Variants in UBXN7 observed in about 807,000 individuals in gnomAD.
UBXN7 encodes the protein UBX domain-containing protein 7.
A neutral mutation model predicts 58.0 loss-of-function variants in UBXN7; 9 were observed. The observed-to-expected ratio is 0.16, with a 90% CI of 0.09 to 0.27. The LOEUF (loss-of-function observed/expected upper bound fraction) is 0.27, where lower values mean the gene tolerates loss of function less well. UBXN7 is among the 10% of genes least tolerant of loss of function. The pLI is 1.00. For missense variants in UBXN7, 328 were observed against 599.6 expected (o/e 0.55, Z 4.73); for synonymous variants, 208 against 205.0 (o/e 1.01, Z -0.12).
At chr3:196,392,892 C>T (rs1216644472) in intron 4 of UBXN7, among the ~76,000 whole-genome samples, 1 of 152,138 alleles carries the variant, frequency 6.6e-6, no homozygotes, top group Non-Finnish European at 1.5e-5. Context: ...ACAGGATTCC[C>T]TAGATGACTT....
intron 2 of UBXN7, among the ~76,000 whole-genome samples, chr3:196,406,241 C>G (rs1273382873): frequency 6.6e-6 from 1 of 152,034 alleles, no homozygotes; most frequent in East Asian, 1.9e-4. Flanking sequence ...CTATATTGCC[C>G]AAGCTGGTCT....
At chr3:196,383,743 G>A (rs1306893936) in intron 5 of UBXN7, among the ~76,000 whole-genome samples, 1 of 152,168 alleles carries the variant, frequency 6.6e-6, no homozygotes, top group South Asian at 2.1e-4. Context: ...GATGTTCTTT[G>A]AAACCAATGA....
Position 196,432,315 on chromosome 3 carries a change from C to G in UBXN7, c.73+12G>C. On this transcript the variant is annotated intron_variant, in intron 1 of 10. Transcript: ENST00000296328. ...ACCCCACTCTCCACCTTCCGGTAAC[C>G]GCGTCTCTTACCGGTAATGGTGGTG... 6.8e-6 allele frequency: 11 copies of G among 1,613,408 alleles called. No homozygotes were observed. The highest frequency in any genetic ancestry group is 9.3e-6 in the Non-Finnish European group (11 of 1,179,774).
chr3:196,367,930 T>A, intron 8 of UBXN7, 98 bp downstream of exon 8: 1 of 1,491,190 alleles, frequency 6.7e-7, no homozygotes, highest in Non-Finnish European at 9.0e-7. Context: ...TGTCCACTAG[T>A]TAGATTATCT....
chr3:196,426,860 A>G (rs1730867511), intron 1 of UBXN7, among the ~76,000 whole-genome samples: 1 of 152,096 alleles, frequency 6.6e-6, no homozygotes, highest in Admixed American at 6.5e-5. Flanking sequence ...AAAAAAAAAA[A>G]AGAACATGAA....
At chr3:196,382,611 A>T (rs913088030) in intron 5 of UBXN7, among the ~76,000 whole-genome samples, 22 of 152,216 alleles carry the variant, frequency 1.4e-4, no homozygotes, top group Admixed American at 1.1e-3. Context: ...TAACATCATA[A>T]TGACAGGATC....
rs180858795 is a variant in UBXN7 at position 196,417,033 on chromosome 3, C to T, written c.74-9640G>A. Among the ~76,000 whole-genome samples the T allele has an allele frequency of 2.6e-5, 4 of 152,262 alleles. No individual in the cohort carries two copies. The East Asian group carries it at 5.8e-4, about 22-fold the overall frequency. On this transcript the variant is annotated intron_variant, in intron 1 of 10. Coordinates refer to ENST00000296328, the MANE Select transcript of UBXN7 (RefSeq NM_015562.2). ...AGCAAGAAGTTAAAATAAATGTACA[C>T]ACAGGCGCGGCGGCTCACGCCTGTA...
At position 196,354,414 on chromosome 3, in the gene UBXN7, G is replaced by GA. The variant is rs1263861600; in HGVS notation, c.*2270dup. 2.0e-5 allele frequency: 3 copies of GA among 152,210 alleles called. No homozygotes were observed. Among genetic ancestry groups the GA allele is most frequent in the Admixed American group, 2.0e-4 (3 of 15,284 alleles). 9.4% of individuals were successfully genotyped at this position (152,210 alleles called of 1,614,324 possible). ...TTATCAAGAGAAGCTAGAAGGTAAAGAAAAGGAAACAGAGCCCTATAGGAA... is the reference window on the plus strand; with the variant it reads ...TTATCAAGAGAAGCTAGAAGGTAAAGAAAAAGGAAACAGAGCCCTATAGGAA... On this transcript the variant is annotated 3_prime_UTR_variant, in exon 11 of 11. Transcript: ENST00000296328.
chr3:196,374,333 T>C (rs1006586426), intron 5 of UBXN7, among the ~76,000 whole-genome samples: 5 of 152,198 alleles, frequency 3.3e-5, no homozygotes, highest in African/African-American at 1.2e-4. Context: ...ATCTCAGATT[T>C]ATTCATTCAA....
chr3:196,424,574 A>G (rs1690193834), intron 1 of UBXN7, among the ~76,000 whole-genome samples: 1 of 151,388 alleles, frequency 6.6e-6, no homozygotes. Flanking sequence ...TTGTAGAAAC[A>G]GGCTCTTTGC....
intron 5 of UBXN7, among the ~76,000 whole-genome samples, chr3:196,385,844 C>A (rs1023184163): frequency 1.4e-5 from 2 of 147,930 alleles, no homozygotes; most frequent in South Asian, 4.4e-4. Flanking sequence ...AGTGAGGAGC[C>A]CCTCTGCCCG....
At chr3:196,368,396 G>C (rs577032781) in intron 7 of UBXN7, among the ~76,000 whole-genome samples, 14 of 151,474 alleles carry the variant, frequency 9.2e-5, no homozygotes, top group African/African-American at 3.4e-4. Context: ...GATCTATAAA[G>C]GTAATATCTA....
At chr3:196,418,288 G>C (rs1730568160) in intron 1 of UBXN7, among the ~76,000 whole-genome samples, 1 of 122,478 alleles carries the variant, frequency 8.2e-6, no homozygotes, top group South Asian at 2.9e-4. Context: ...GAGGGAAAGA[G>C]AGAAGGAAGG....
chr3:196,358,618 G>A (rs1194402229), intron 10 of UBXN7, among the ~76,000 whole-genome samples: 1 of 152,064 alleles, frequency 6.6e-6, no homozygotes, highest in Non-Finnish European at 1.5e-5. Flanking sequence ...GCACACACCT[G>A]TAGTCCCAGC....
intron 3 of UBXN7, among the ~76,000 whole-genome samples, chr3:196,401,857 G>A (rs1002715929): frequency 1.3e-5 from 2 of 149,334 alleles, no homozygotes; most frequent in African/African-American, 4.9e-5. Context: ...GAAGAGAAGA[G>A]AAGAAAAACT....
intron 2 of UBXN7, among the ~76,000 whole-genome samples, chr3:196,404,553 C>T (rs1366657619): frequency 3.6e-5 from 5 of 137,202 alleles, no homozygotes; most frequent in African/African-American, 9.9e-5. Flanking sequence ...TGAGCCACCG[C>T]GCCCGGCCAA....
chr3:196,416,601 A>G (rs947009450), intron 1 of UBXN7, among the ~76,000 whole-genome samples: 1 of 152,150 alleles, frequency 6.6e-6, no homozygotes, highest in Non-Finnish European at 1.5e-5. Context: ...TGTGAAGTCA[A>G]TCCTCAAGCA....
At chr3:196,367,959 A>G (rs1728715827) in intron 8 of UBXN7, 69 bp downstream of exon 8, 1 of 1,562,456 alleles carries the variant, frequency 6.4e-7, no homozygotes, top group African/African-American at 1.4e-5. Flanking sequence ...TTAACATCGA[A>G]CATTTTATAT....
At position 196,352,117 on chromosome 3, in the gene UBXN7, T is replaced by C. The variant is rs1412086774; in HGVS notation, c.*4568A>G. The C allele has an allele frequency of 6.6e-6, 1 of 152,238 alleles. No individual in the cohort carries two copies. The highest frequency in any genetic ancestry group is 1.5e-5 in the Non-Finnish European group (1 of 68,038). The allele number at this position is 152,238 out of a possible 1,614,324, so 9.4% of individuals were successfully genotyped here. A position where few individuals can be genotyped will look rare whatever the true frequency, so the allele number is the denominator to read the frequency against. On this transcript the variant is annotated 3_prime_UTR_variant, in exon 11 of 11. Coordinates refer to ENST00000296328, the MANE Select transcript of UBXN7 (RefSeq NM_015562.2). The surrounding 1 kb of genome is among the most constrained non-coding windows in gnomAD (Gnocchi z 4.1). The stretch of plus-strand genomic sequence containing the variant: ...CAGTGCTTGCCACTTCAGTCTTGTT[T>C]AAGACTTTGCTAACTAAAACATATT...
Sources: gnomAD v4.1 joint callset for allele counts (sites outside exome capture counted in the v4.1 genomes callset) on GRCh38, gnomAD v4.1.1 for gene constraint, Gnocchi (gnomAD v3.1) non-coding constraint, MANE v1.5 for transcripts, NCBI Gene and HGNC (gene_info 2026-07-23, HGNC 2026-07-21) for gene names.